The following PTH2R variants were observed in gnomAD, a reference collection of about 807,000 sequenced individuals.
PTH2R encodes the protein parathyroid hormone 2 receptor.
PTH2R carries 59 observed loss-of-function variants against 60.3 expected under a neutral mutation model. The observed-to-expected ratio is 0.98, with a 90% CI of 0.79 to 1.22. The LOEUF (loss-of-function observed/expected upper bound fraction) is 1.22, where lower values mean the gene tolerates loss of function less well. Ranked by LOEUF, PTH2R falls within the 50% of genes most tolerant of loss-of-function variation. The pLI is 0.00. For synonymous variants in PTH2R, 256 were observed against 243.8 expected (o/e 1.05, Z -0.47); for missense variants, 749 against 682.6 (o/e 1.10, Z -1.08).
chr2:208,477,846 T>C (rs1021267443), intron 9 of PTH2R, among the ~76,000 whole-genome samples: 1 of 150,798 alleles, frequency 6.6e-6, no homozygotes, highest in African/African-American at 2.4e-5. Context: ...TTTTAATGAT[T>C]TTTTTCTTAG....
rs1703476162 is a variant in PTH2R at position 208,493,993 on chromosome 2, C to A, written c.*334C>A. 5.3e-6 allele frequency: 1 copy of A among 189,876 alleles called. No individual in the cohort carries two copies. Among genetic ancestry groups the A allele is most frequent in the African/African-American group, 2.3e-5 (1 of 42,970 alleles). 11.8% of individuals were successfully genotyped at this position (189,876 alleles called of 1,614,324 possible). On this transcript the variant is annotated 3_prime_UTR_variant, in exon 13 of 13. Transcript: ENST00000272847. ...GTAGCTTTCTCTCATATATATCACC[C>A]TAAATATAATGAAGATCTTTTAGTG...
intron 1 of PTH2R, among the ~76,000 whole-genome samples, chr2:208,424,582 T>A (rs894754547): frequency 3.9e-5 from 6 of 152,202 alleles, no homozygotes; most frequent in African/African-American, 1.4e-4. Context: ...GACTCTCCTG[T>A]GGGTTGGTTT....
chr2:208,467,103 A>AT (rs1401748552), intron 9 of PTH2R, among the ~76,000 whole-genome samples: 2 of 152,176 alleles, frequency 1.3e-5, no homozygotes, highest in African/African-American at 4.8e-5. Context: ...AAGTGCTTAC[A>AT]TTCCATCCTC....
Position 208,489,060 on chromosome 2 carries a change from T to C in PTH2R, c.1125T>C (p.His375=). 1 of 1,614,142 alleles carries C rather than the reference T, an allele frequency of 6.2e-7. No homozygotes were observed. The highest frequency in any genetic ancestry group is 8.5e-7 in the Non-Finnish European group (1 of 1,180,024). The part of the protein sequence containing the change: ...TLVLVLVFGV[H]YIVFVCLPHS... ...TCCTGGTCCTAGTCTTTGGAGTGCA[T>C]TACATCGTGTTCGTATGCCTGCCTC... Residue 375 remains histidine (H), a synonymous_variant, in exon 11 of 13, where the codon CAT becomes CAC. Coordinates refer to ENST00000272847, the MANE Select transcript of PTH2R (RefSeq NM_005048.4).
intron 1 of PTH2R, among the ~76,000 whole-genome samples, chr2:208,382,659 T>C (rs920218): frequency 0.9 from 137,389 of 152,224 alleles, 63,137 homozygotes; most frequent in Non-Finnish European, 0.98. Context: ...GATTCATCTG[T>C]TTTTGGACCC....
chr2:208,424,895 A>G (rs1028847045), intron 1 of PTH2R, among the ~76,000 whole-genome samples: 1 of 152,324 alleles, frequency 6.6e-6, no homozygotes, highest in East Asian at 1.9e-4. Context: ...TTTAAAGGAA[A>G]TAATACAAAG....
chr2:208,488,023 A>G (rs1375487420), intron 10 of PTH2R, among the ~76,000 whole-genome samples: 2 of 152,232 alleles, frequency 1.3e-5, no homozygotes, highest in Non-Finnish European at 2.9e-5. Context: ...GAAAGGATAA[A>G]ACAGGGGCAA....
chr2:208,459,863 T>G (rs1411196687), intron 8 of PTH2R, 32 bp from the exon 9 acceptor site: 2 of 1,606,518 alleles, frequency 1.2e-6, no homozygotes, highest in South Asian at 2.2e-5. Context: ...CTTTGCCAAT[T>G]TATTCATGAC....
intron 11 of PTH2R, among the ~76,000 whole-genome samples, chr2:208,489,466 G>C (rs1269813332): frequency 6.6e-6 from 1 of 152,078 alleles, no homozygotes; most frequent in Non-Finnish European, 1.5e-5. Flanking sequence ...TGTGTGTATG[G>C]AAGATAAACA....
chr2:208,442,259 G>A (rs984230612), intron 4 of PTH2R, 105 bp from the exon 5 acceptor site: 4 of 859,600 alleles, frequency 4.7e-6, no homozygotes, highest in African/African-American at 1.7e-5. Context: ...GCTTAAAAAA[G>A]TTAAAGAGAA....
In PTH2R at chr2:208,437,589, A is replaced by G. The variant is rs1308070268; in HGVS notation, c.231A>G (p.Thr77=). ...WDGLICWPRG[T]VGKISAVPCP... is the part of the protein sequence containing the mutation. ...GACTCATTTGTTGGCCCAGAGGAAC[A>G]GTGGGGAAAATATCGGCTGTTCCAT... The change falls in exon 3 of 13, where the codon ACA becomes ACG. Residue 77 remains threonine (T), a synonymous_variant. Coordinates refer to ENST00000272847, the MANE Select transcript of PTH2R (RefSeq NM_005048.4). 3.7e-6 allele frequency: 6 copies of G among 1,613,724 alleles called. No homozygotes were observed. Among genetic ancestry groups the G allele is most frequent in the Non-Finnish European group, 5.1e-6 (6 of 1,179,868 alleles).
At chr2:208,395,524 C>G (rs761511234) in intron 1 of PTH2R, among the ~76,000 whole-genome samples, 8 of 152,148 alleles carry the variant, frequency 5.3e-5, no homozygotes, top group Admixed American at 1.3e-4. Flanking sequence ...AACTCTGTTC[C>G]TAGAAGATTG....
At chr2:208,480,641 C>T (rs1292711344) in intron 9 of PTH2R, among the ~76,000 whole-genome samples, 1 of 152,174 alleles carries the variant, frequency 6.6e-6, no homozygotes, top group African/African-American at 2.4e-5. Context: ...TCACCCAATA[C>T]TTTTCATACA....
chr2:208,427,596 T>C (rs933454763), intron 1 of PTH2R, among the ~76,000 whole-genome samples: 2 of 152,194 alleles, frequency 1.3e-5, no homozygotes, highest in Non-Finnish European at 2.9e-5. Flanking sequence ...CTCTTTGTGC[T>C]GTAAATATCT....
intron 4 of PTH2R, 21 bp from the exon 5 acceptor site, chr2:208,442,343 T>C: frequency 6.5e-7 from 1 of 1,533,294 alleles, no homozygotes; most frequent in Non-Finnish European, 9.0e-7. Flanking sequence ...ATATCATACA[T>C]GAGCATCTCT....
chr2:208,426,018 A>C (rs1403206176), intron 1 of PTH2R, among the ~76,000 whole-genome samples: 1 of 152,112 alleles, frequency 6.6e-6, no homozygotes, highest in African/African-American at 2.4e-5. Context: ...AAGCACATCA[A>C]CTCCATCATG....
intron 4 of PTH2R, among the ~76,000 whole-genome samples, chr2:208,441,902 A>C (rs1702192386): frequency 6.6e-6 from 1 of 152,208 alleles, no homozygotes; most frequent in East Asian, 1.9e-4. Flanking sequence ...CTTTTCTTAC[A>C]CTATTTTCTA....
intron 10 of PTH2R, among the ~76,000 whole-genome samples, chr2:208,484,073 A>G (rs189333932): frequency 1.2e-4 from 19 of 152,336 alleles, no homozygotes; most frequent in Admixed American, 1.1e-3. Context: ...TTCTGTTATT[A>G]CCTTTGTCTA....
chr2:208,383,797 A>T (rs549968064), intron 1 of PTH2R, among the ~76,000 whole-genome samples: 1 of 152,174 alleles, frequency 6.6e-6, no homozygotes, highest in African/African-American at 2.4e-5. Flanking sequence ...CCCTGCTGAG[A>T]CTCGGGTATC....
Sources: gnomAD v4.1 joint callset for allele counts (sites outside exome capture counted in the v4.1 genomes callset) on GRCh38, gnomAD v4.1.1 for gene constraint, MANE v1.5 for transcripts, NCBI Gene and HGNC (gene_info 2026-07-23, HGNC 2026-07-21) for gene names.